IGSF3: variants seen among roughly 807,000 people sequenced by gnomAD.
The protein encoded by IGSF3 is glu-Trp-Ile EWI motif-containing protein 3.
A neutral mutation model predicts 114.4 loss-of-function variants in IGSF3; 23 were observed. That is an observed-to-expected ratio of 0.20 (90% confidence interval 0.14 to 0.28). IGSF3 has a LOEUF of 0.28. IGSF3 is among the 10% of genes least tolerant of loss of function. The probability of loss-of-function intolerance (pLI) is 1.00; values close to 1 mark genes in which losing one functional copy is unlikely to be tolerated. For synonymous variants in IGSF3, 571 were observed against 645.2 expected (o/e 0.88, Z 1.74); for missense variants, 1,172 against 1,591.5 (o/e 0.74, Z 4.48).
At chr1:116,656,525 T>C (rs1158651869) in intron 2 of IGSF3, among the ~76,000 whole-genome samples, 2 of 152,078 alleles carry the variant, frequency 1.3e-5, no homozygotes, top group Non-Finnish European at 2.9e-5. Context: ...CTGCTGACCT[T>C]GTGATCTGCC....
In IGSF3 at chr1:116,628,476, T is replaced by G. The variant is rs1647404769; in HGVS notation, c.44-12019A>C. Among the ~76,000 whole-genome samples, 2 of 152,046 alleles carry G rather than the reference T, an allele frequency of 1.3e-5. 1 individual carries two copies. Among genetic ancestry groups the G allele is most frequent in the Admixed American group, 1.3e-4 (2 of 15,236 alleles). On this transcript the variant is annotated intron_variant, in intron 2 of 10. Transcript: ENST00000369486. This position sits in a 1 kb window ranked among gnomAD's most constrained non-coding sequence, Gnocchi z 4.2. ...TGTGCATTTCCCCAACACACTCAGA[T>G]CTAGGTGACCTTGACCAGATGGGCA...
At position 116,665,354 on chromosome 1, in the gene IGSF3, C is replaced by G. The variant is rs372471587; in HGVS notation, c.43+930G>C. On this transcript the variant is annotated intron_variant, in intron 2 of 10. Transcript: ENST00000369486. The surrounding 1 kb of genome is among the most constrained non-coding windows in gnomAD (Gnocchi z 4.0). ...ATAATCCCTTCTGAATGCAGAGGAC[C>G]GAGCCTTACAGAGAGGGCAGGGGGT... 6.6e-6 allele frequency among the ~76,000 whole-genome samples: 1 copy of G among 152,114 alleles called. No homozygotes were observed. Among genetic ancestry groups the G allele is most frequent in the African/African-American group, 2.4e-5 (1 of 41,406 alleles).
At position 116,588,685 on chromosome 1, in the gene IGSF3, C is replaced by CG; in HGVS notation, c.2440+8dup. 6.4e-7 allele frequency: 1 copy of CG among 1,558,646 alleles called. No homozygotes were observed. The highest frequency in any genetic ancestry group is 8.7e-7 in the Non-Finnish European group (1 of 1,148,384). On this transcript the variant is annotated intron_variant, in intron 8 of 10. Coordinates refer to ENST00000369486, the MANE Select transcript of IGSF3 (RefSeq NM_001007237.3). This position sits in a 1 kb window ranked among gnomAD's most constrained non-coding sequence, Gnocchi z 4.9. Reference sequence around the variant, plus strand: ...ACTGGCCCAGGACAGCCGTGCCCTGCGGCCTTACCTGGCTGTTTCACAGTG... The same window carrying CG: ...ACTGGCCCAGGACAGCCGTGCCCTGCGGGCCTTACCTGGCTGTTTCACAGTG...
rs920552577 is a variant in IGSF3 at position 116,648,675 on chromosome 1, A to C, written c.43+17609T>G. Among the ~76,000 whole-genome samples the C allele has an allele frequency of 1.3e-5, 2 of 152,220 alleles. No individual in the cohort carries two copies. The highest frequency in any genetic ancestry group is 2.9e-5 in the Non-Finnish European group (2 of 68,048). On this transcript the variant is annotated intron_variant, in intron 2 of 10. Coordinates refer to ENST00000369486, the MANE Select transcript of IGSF3 (RefSeq NM_001007237.3). This position sits in a 1 kb window ranked among gnomAD's most constrained non-coding sequence, Gnocchi z 4.7. ...ATTTTGACTCTTCTGAGAGTGGGAA[A>C]GATTTGAAAGATGGGATTTGCACCT...
rs1659681700 is a variant in IGSF3, at chr1:116,583,502, T to C, written c.2848+1143A>G. ...CCTCCCTGAAGCATGTTCCATGACA[T>C]AAGAGACCTGGCACCACCCTGGAGA... On this transcript the variant is annotated intron_variant, in intron 9 of 10. Transcript: ENST00000369486. This position sits in a 1 kb window ranked among gnomAD's most constrained non-coding sequence, Gnocchi z 4.5. Among the ~76,000 whole-genome samples, 1 of 152,178 alleles carries C rather than the reference T, an allele frequency of 6.6e-6. No homozygotes were observed. The highest frequency in any genetic ancestry group is 1.5e-5 in the Non-Finnish European group (1 of 68,020).
In IGSF3 at chr1:116,667,732, C is replaced by T. The variant is rs1266273782; in HGVS notation, c.-745G>A. ...TCCCGCAACGGCACCAGCAGCCGCGCTGCGGCCCCTCCCGAGTCCCCGCCC... is the reference window on the plus strand; with the variant it reads ...TCCCGCAACGGCACCAGCAGCCGCGTTGCGGCCCCTCCCGAGTCCCCGCCC... On this transcript the variant is annotated 5_prime_UTR_variant, in exon 1 of 11. Transcript: ENST00000369486. The T allele has an allele frequency of 6.6e-6, 1 of 151,556 alleles. No individual in the cohort carries two copies. Among genetic ancestry groups the T allele is most frequent in the Non-Finnish European group, 1.5e-5 (1 of 67,856 alleles). 9.4% of individuals were successfully genotyped at this position (151,556 alleles called of 1,614,324 possible).
chr1:116,580,955 T>C (rs551570669), intron 9 of IGSF3, among the ~76,000 whole-genome samples: 23 of 152,246 alleles, frequency 1.5e-4, no homozygotes, highest in Non-Finnish European at 3.1e-4. Flanking sequence ...TTTGGACTTC[T>C]GGCCTGCAGA....
At chr1:116,599,132 A>T (rs2101419806) in intron 7 of IGSF3, among the ~76,000 whole-genome samples, 1 of 152,194 alleles carries the variant, frequency 6.6e-6, no homozygotes, top group African/African-American at 2.4e-5. Context: ...CTAGTCACTT[A>T]AATCTTTCCT....
chr1:116,652,886 C>T (rs1484604536), intron 2 of IGSF3, among the ~76,000 whole-genome samples: 3 of 152,160 alleles, frequency 2.0e-5, no homozygotes, highest in Non-Finnish European at 4.4e-5. Context: ...TGTGTTTGGC[C>T]TGCCATTGTT....
intron 10 of IGSF3, among the ~76,000 whole-genome samples, chr1:116,578,924 C>T (rs1659467749): frequency 6.6e-6 from 1 of 152,196 alleles, no homozygotes; most frequent in South Asian, 2.1e-4. Flanking sequence ...AGATCCACCT[C>T]AACCTCCAAG....
Position 116,666,319 on chromosome 1 carries a change from C to T in IGSF3, c.8G>A (p.Cys3Tyr), listed in dbSNP as rs749817295. ...CAGACAGCTCAGCACCGGGAAAAAG[C>T]ACTTCATGTCGGCAGCCTCCAGGAG... Reference protein sequence around the residue: MKCFFPVLSCLAV... With the variant: MKYFFPVLSCLAV... Residue 3 changes from cysteine to tyrosine, a missense_variant, in exon 2 of 11, where the codon TGC (cysteine) becomes TAC (tyrosine). This residue lies in a region of IGSF3 where 736 missense variants were observed against 1,042.0 expected (regional missense o/e 0.71). Transcript: ENST00000369486. 3.1e-6 allele frequency: 5 copies of T among 1,614,078 alleles called. No individual in the cohort carries two copies.
chr1:116,600,721 A>C lies in IGSF3; in HGVS notation c.1625-376T>G, dbSNP rs1224394960. On this transcript the variant is annotated intron_variant, in intron 6 of 10. Transcript: ENST00000369486. The surrounding 1 kb of genome is among the most constrained non-coding windows in gnomAD (Gnocchi z 5.5). ...AGAGAACAGGAAAAGAAAACCCCAA[A>C]GCCAATTTCCTCCATTGCACAGGAG... 6.6e-6 allele frequency among the ~76,000 whole-genome samples: 1 copy of C among 152,178 alleles called. No individual in the cohort carries two copies. The highest frequency in any genetic ancestry group is 1.9e-4 in the East Asian group (1 of 5,190).
In IGSF3 at chr1:116,644,077, A is replaced by T. The variant is rs1648233298; in HGVS notation, c.43+22207T>A. Reference sequence around the variant, plus strand: ...CTTAGAAAGGGGTCCCACGCTGTCCATCTGGGCCCCTACACCAAAGAACAC... The same window carrying T: ...CTTAGAAAGGGGTCCCACGCTGTCCTTCTGGGCCCCTACACCAAAGAACAC... On this transcript the variant is annotated intron_variant, in intron 2 of 10. Coordinates refer to ENST00000369486, the MANE Select transcript of IGSF3 (RefSeq NM_001007237.3). The surrounding 1 kb of genome is among the most constrained non-coding windows in gnomAD (Gnocchi z 5.6). Among the ~76,000 whole-genome samples, 1 of 152,186 alleles carries T rather than the reference A, an allele frequency of 6.6e-6. No individual in the cohort carries two copies. The highest frequency in any genetic ancestry group is 2.4e-5 in the African/African-American group (1 of 41,440).
intron 2 of IGSF3, among the ~76,000 whole-genome samples, chr1:116,617,718 G>C (rs1304238911): frequency 2.0e-5 from 3 of 152,184 alleles, no homozygotes; most frequent in South Asian, 2.1e-4. Context: ...CATCTGTAAA[G>C]ACCCTACCAC....
rs1648411838 is a variant in IGSF3, at chr1:116,647,084, G to C, written c.43+19200C>G. ...AGAGAGGCACTGGTGCAGATGGAGA[G>C]GGCAGCAATAAAAACTGGGGGACAC... On this transcript the variant is annotated intron_variant, in intron 2 of 10. Transcript: ENST00000369486. The surrounding 1 kb of genome is among the most constrained non-coding windows in gnomAD (Gnocchi z 4.6). 6.5e-6 allele frequency: 1 copy of C among 152,822 alleles called. No homozygotes were observed. The highest frequency in any genetic ancestry group is 1.5e-5 in the Non-Finnish European group (1 of 68,482). 9.5% of individuals were successfully genotyped at this position (152,822 alleles called of 1,614,324 possible).
At chr1:116,646,131 G>C (rs1173671113) in intron 2 of IGSF3, among the ~76,000 whole-genome samples, 2 of 152,194 alleles carry the variant, frequency 1.3e-5, no homozygotes, top group Non-Finnish European at 2.9e-5. Context: ...CCACATTTGG[G>C]CTCAAATACA....
At position 116,662,813 on chromosome 1, in the gene IGSF3, C is replaced by A. The variant is rs1649168428; in HGVS notation, c.43+3471G>T. 6.6e-6 allele frequency among the ~76,000 whole-genome samples: 1 copy of A among 152,208 alleles called. No homozygotes were observed. The highest frequency in any genetic ancestry group is 6.5e-5 in the Admixed American group (1 of 15,276). On this transcript the variant is annotated intron_variant, in intron 2 of 10. Transcript: ENST00000369486. This position sits in a 1 kb window ranked among gnomAD's most constrained non-coding sequence, Gnocchi z 4.3. ...GAACCCTTCTCCTGATTGCTCCAAA[C>A]CATCTCACTTTTCTCTGCCTCCTCT...
Position 116,579,978 on chromosome 1 carries a change from A to G in IGSF3, c.2849-101T>C. ...TTAAACACATGATAGTAACATCCAT[A>G]CTATAAGATATTATGCACCTATTGA... On this transcript the variant is annotated intron_variant, in intron 9 of 10. Transcript: ENST00000369486. The surrounding 1 kb of genome is among the most constrained non-coding windows in gnomAD (Gnocchi z 6.4). The G allele has an allele frequency of 9.4e-7, 1 of 1,064,814 alleles. No homozygotes were observed. The highest frequency in any genetic ancestry group is 1.3e-6 in the Non-Finnish European group (1 of 757,534). The allele number at this position is 1,064,814 out of a possible 1,614,324, so 66.0% of individuals were successfully genotyped here.
chr1:116,599,391 TACACACACAC>T (rs35774720), intron 7 of IGSF3, among the ~76,000 whole-genome samples: 2 of 148,128 alleles, frequency 1.4e-5, no homozygotes, highest in South Asian at 4.3e-4. Flanking sequence ...CACATACATA[TACACACACAC>T]ACACACACAC....
Sources: allele counts gnomAD v4.1 joint callset (sites outside exome capture counted in the v4.1 genomes callset), GRCh38; gene constraint gnomAD v4.1.1; regional missense constraint gnomAD v4.1.1; non-coding constraint Gnocchi (gnomAD v3.1); transcripts MANE v1.5; gene names NCBI Gene and HGNC (gene_info 2026-07-23, HGNC 2026-07-21).